The following GPR158 variants were observed in gnomAD, a reference collection of about 807,000 sequenced individuals.
The protein encoded by GPR158 is G protein-coupled receptor 158, also known as metabotropic glycine receptor.
GPR158 carries 30 observed loss-of-function variants against 78.2 expected under a neutral mutation model. That is an observed-to-expected ratio of 0.38 (90% confidence interval 0.29 to 0.52). The LOEUF (loss-of-function observed/expected upper bound fraction) is 0.52, where lower values mean the gene tolerates loss of function less well. Among genes scored for constraint, GPR158 ranks in the 20% least tolerant of loss-of-function variants. GPR158 has a pLI of 0.83. For synonymous variants in GPR158, 581 were observed against 591.1 expected (o/e 0.98, Z 0.25); for missense variants, 1,463 against 1,523.5 (o/e 0.96, Z 0.66).
At chr10:25,570,801 C>T (rs1451629504) in intron 6 of GPR158, among the ~76,000 whole-genome samples, 1 of 152,066 alleles carries the variant, frequency 6.6e-6, no homozygotes, top group Non-Finnish European at 1.5e-5. Flanking sequence ...CCTGTAGTCC[C>T]ACCTACTTGG....
intron 3 of GPR158, 115 bp downstream of exon 3, chr10:25,396,128 C>T (rs575290467): frequency 5.9e-5 from 32 of 540,418 alleles, no homozygotes; most frequent in African/African-American, 3.7e-4. Context: ...ATTGGTTTGG[C>T]ATTCTTTCAT....
chr10:25,283,473 C>T (rs746088991), intron 2 of GPR158, among the ~76,000 whole-genome samples: 1 of 151,914 alleles, frequency 6.6e-6, no homozygotes, highest in Non-Finnish European at 1.5e-5. Flanking sequence ...TGACCTTGAG[C>T]AGTAGGATAT....
chr10:25,288,689 G>A (rs543874819), intron 2 of GPR158, among the ~76,000 whole-genome samples: 19 of 152,226 alleles, frequency 1.2e-4, no homozygotes, highest in African/African-American at 4.6e-4. Context: ...TCTTCATTCA[G>A]GCAGGGAACA....
At chr10:25,404,165 A>C (rs577174509) in intron 3 of GPR158, among the ~76,000 whole-genome samples, 14 of 152,086 alleles carry the variant, frequency 9.2e-5, no homozygotes, top group Non-Finnish European at 1.6e-4. Context: ...TAAAGGGAAC[A>C]CTCAATATCA....
intron 5 of GPR158, among the ~76,000 whole-genome samples, chr10:25,497,224 CAAT>C (rs941895860): frequency 2.6e-4 from 40 of 152,100 alleles, no homozygotes; most frequent in African/African-American, 9.7e-4. Context: ...CTCCATGAAA[CAAT>C]AATCCCAGGA....
intron 5 of GPR158, among the ~76,000 whole-genome samples, chr10:25,543,161 C>T (rs752912871): frequency 1.3e-5 from 2 of 152,070 alleles, no homozygotes; most frequent in South Asian, 4.1e-4. Context: ...CACTCTGTCA[C>T]CCAGGCTGGA....
intron 4 of GPR158, among the ~76,000 whole-genome samples, chr10:25,414,747 C>T (rs984689191): frequency 5.3e-5 from 8 of 152,056 alleles, no homozygotes; most frequent in African/African-American, 9.7e-5. Flanking sequence ...ACATTTCTTT[C>T]GGAGTTTCCT....
chr10:25,418,550 T>A (rs866554560), intron 4 of GPR158, among the ~76,000 whole-genome samples: 2 of 151,950 alleles, frequency 1.3e-5, no homozygotes, highest in African/African-American at 4.8e-5. Flanking sequence ...AACAGTATTT[T>A]AAAGAGCCTG....
At chr10:25,324,684 G>A (rs946425556) in intron 2 of GPR158, among the ~76,000 whole-genome samples, 1 of 152,106 alleles carries the variant, frequency 6.6e-6, no homozygotes, top group South Asian at 2.1e-4. Context: ...CTTCAAATTT[G>A]TAAAACATGC....
chr10:25,373,192 A>G (rs768296035), intron 2 of GPR158, among the ~76,000 whole-genome samples: 6 of 151,924 alleles, frequency 3.9e-5, no homozygotes, highest in Non-Finnish European at 7.4e-5. Context: ...AAAATAACAC[A>G]GGAACAAAAT....
intron 2 of GPR158, among the ~76,000 whole-genome samples, chr10:25,317,529 C>A (rs1854871880): frequency 6.6e-6 from 1 of 151,182 alleles, no homozygotes; most frequent in Admixed American, 6.6e-5. Context: ...TTTCTTACTC[C>A]TTCCTGATTA....
At chr10:25,432,787 C>A (rs1180073050) in intron 4 of GPR158, among the ~76,000 whole-genome samples, 1 of 152,130 alleles carries the variant, frequency 6.6e-6, no homozygotes, top group Non-Finnish European at 1.5e-5. Flanking sequence ...TTTGATTCAT[C>A]ATTCATCTGC....
In GPR158 at chr10:25,203,956, C is replaced by T. The variant is rs1349462520; in HGVS notation, c.903-17096C>T. ...TCATTGAGCAGTGGTTTGTACTTCT[C>T]CTTGAAGAGGGCCTTCACGTCCCTT... On this transcript the variant is annotated intron_variant, in intron 1 of 10. Transcript: ENST00000376351. Among the ~76,000 whole-genome samples the T allele has an allele frequency of 3.6e-5, 5 of 137,748 alleles. 1 individual carries two copies. The highest frequency in any genetic ancestry group is 7.7e-5 in the Non-Finnish European group (5 of 64,530). 90.4% of individuals were successfully genotyped at this position (137,748 alleles called of 152,430 possible). A position where few individuals can be genotyped will look rare whatever the true frequency, so the allele number is the denominator to read the frequency against.
At chr10:25,209,223 C>A (rs549752473) in intron 1 of GPR158, among the ~76,000 whole-genome samples, 1 of 152,174 alleles carries the variant, frequency 6.6e-6, no homozygotes, top group Non-Finnish European at 1.5e-5. Flanking sequence ...GGTTTTCTAC[C>A]TCCTTTATTC....
At chr10:25,206,250 G>A (rs1032518203) in intron 1 of GPR158, among the ~76,000 whole-genome samples, 16 of 152,134 alleles carry the variant, frequency 1.1e-4, no homozygotes, top group African/African-American at 2.9e-4. Flanking sequence ...GCCTCCCAAA[G>A]TGCTGGGATT....
At chr10:25,389,511 G>A (rs1435467840) in intron 2 of GPR158, among the ~76,000 whole-genome samples, 1 of 152,152 alleles carries the variant, frequency 6.6e-6, no homozygotes, top group African/African-American at 2.4e-5. Flanking sequence ...GATCTCCTCT[G>A]AGCTGTTCTA....
chr10:25,274,760 G>A (rs1854161241), intron 2 of GPR158, among the ~76,000 whole-genome samples: 2 of 152,138 alleles, frequency 1.3e-5, no homozygotes, highest in Admixed American at 1.3e-4. Flanking sequence ...ATTCTAACAA[G>A]CGTTAAAAAA....
At chr10:25,314,280 T>G (rs2130467414) in intron 2 of GPR158, among the ~76,000 whole-genome samples, 1 of 152,200 alleles carries the variant, frequency 6.6e-6, no homozygotes. Flanking sequence ...TTTGTATTTT[T>G]AATAGAGACG....
At position 25,358,092 on chromosome 10, in the gene GPR158, A is replaced by C. The variant is rs530547039; in HGVS notation, c.1009-37819A>C. Among the ~76,000 whole-genome samples the C allele has an allele frequency of 2.0e-5, 3 of 152,226 alleles. No individual in the cohort carries two copies. In the South Asian group the frequency reaches 6.2e-4, roughly 32 times the overall value. On this transcript the variant is annotated intron_variant, in intron 2 of 10. Transcript: ENST00000376351. ...CTGTCCTGCTGCATTTCAGACTGGC[A>C]TGGGGCCTGTAGCCCCTTTGTTTTT... is the stretch of plus-strand genomic sequence containing the variant.
Sources: allele counts gnomAD v4.1 joint callset (sites outside exome capture counted in the v4.1 genomes callset), GRCh38; gene constraint gnomAD v4.1.1; transcripts MANE v1.5; gene names NCBI Gene and HGNC (gene_info 2026-07-23, HGNC 2026-07-21).